IQGAP2: variants seen among roughly 807,000 people sequenced by gnomAD.
IQGAP2 encodes the protein IQ motif containing GTPase activating protein 2, also known as ras GTPase-activating-like protein IQGAP2.
Under a neutral mutation model 201.3 loss-of-function variants are expected in IQGAP2, and 173 were observed. The observed-to-expected ratio is 0.86, with a 90% CI of 0.76 to 0.98. The LOEUF (loss-of-function observed/expected upper bound fraction) is 0.98, where lower values mean the gene tolerates loss of function less well. Ranked by LOEUF, IQGAP2 falls within the 50% of genes least tolerant of loss-of-function variation. The probability of loss-of-function intolerance (pLI) is 0.00; values close to 1 mark genes in which losing one functional copy is unlikely to be tolerated. For missense variants in IQGAP2, 1,687 were observed against 1,864.8 expected (o/e 0.90, Z 1.76); for synonymous variants, 675 against 673.9 (o/e 1.00, Z -0.03).
intron 1 of IQGAP2, among the ~76,000 whole-genome samples, chr5:76,451,516 A>G (rs1753745342): frequency 6.6e-6 from 1 of 152,160 alleles, no homozygotes; most frequent in Non-Finnish European, 1.5e-5. Flanking sequence ...ATATCATGGC[A>G]TTAGTCATCT....
chr5:76,562,007 G>A (rs1033836965), intron 2 of IQGAP2, among the ~76,000 whole-genome samples: 12 of 152,162 alleles, frequency 7.9e-5, no homozygotes, highest in Non-Finnish European at 1.5e-4. Context: ...GGCACAGACC[G>A]TATAAGAATT....
intron 2 of IQGAP2, among the ~76,000 whole-genome samples, chr5:76,472,186 C>G (rs72775777): frequency 0.5 from 76,296 of 151,624 alleles, 19,885 homozygotes; most frequent in Non-Finnish European, 0.54. Context: ...GCCAGCGAGG[C>G]TGAGATCAGG....
At chr5:76,696,921 G>A (rs1746803906) in intron 32 of IQGAP2, among the ~76,000 whole-genome samples, 1 of 152,160 alleles carries the variant, frequency 6.6e-6, no homozygotes, top group Non-Finnish European at 1.5e-5. Flanking sequence ...CTAAGGGCAT[G>A]GGGAAGTTGT....
intron 1 of IQGAP2, among the ~76,000 whole-genome samples, chr5:76,406,300 C>T (rs1349348438): frequency 6.6e-6 from 1 of 152,202 alleles, no homozygotes; most frequent in Non-Finnish European, 1.5e-5. Flanking sequence ...CACAGGAGCA[C>T]TGGATTGAAA....
At chr5:76,481,838 T>C (rs1029915171) in intron 2 of IQGAP2, among the ~76,000 whole-genome samples, 3 of 152,194 alleles carry the variant, frequency 2.0e-5, no homozygotes, top group Non-Finnish European at 4.4e-5. Flanking sequence ...AGCTGCCATG[T>C]TGGAGAGAAT....
At position 76,435,726 on chromosome 5, in the gene IQGAP2, T is replaced by C. The variant is rs142468050; in HGVS notation, c.47-25844T>C. On this transcript the variant is annotated intron_variant, in intron 1 of 35. Transcript: ENST00000274364. ...TTTTTTTCTAGTCATGTGAAAATGA[T>C]GTTGGTATTTTGAAAAGAATTGCAT... Among the ~76,000 whole-genome samples the C allele has an allele frequency of 1.2e-3, 182 of 152,306 alleles. 1 individual carries two copies. The highest frequency in any genetic ancestry group is 4.2e-3 in the African/African-American group (175 of 41,572).
At chr5:76,542,879 C>T (rs750074012) in intron 2 of IQGAP2, among the ~76,000 whole-genome samples, 33 of 152,106 alleles carry the variant, frequency 2.2e-4, no homozygotes, top group Non-Finnish European at 4.1e-4. Flanking sequence ...CCACTGTTTA[C>T]GTTATAGAGA....
chr5:76,551,627 C>G (rs1743535355), intron 2 of IQGAP2, among the ~76,000 whole-genome samples: 1 of 148,916 alleles, frequency 6.7e-6, no homozygotes, highest in Admixed American at 6.7e-5. Context: ...CCGAGGCAGG[C>G]AGATCACTCG....
At chr5:76,700,972 G>A (rs1747327210) in intron 33 of IQGAP2, 104 bp from the exon 34 acceptor site, 5 of 1,202,214 alleles carry the variant, frequency 4.2e-6, no homozygotes, top group Non-Finnish European at 5.9e-6. Flanking sequence ...GCGCTCTGAG[G>A]GCCAGGTATG....
At chr5:76,545,640 G>A (rs1429401726) in intron 2 of IQGAP2, among the ~76,000 whole-genome samples, 1 of 152,068 alleles carries the variant, frequency 6.6e-6, no homozygotes, top group Non-Finnish European at 1.5e-5. Flanking sequence ...TTTTTTACTA[G>A]GCTTTGAAAG....
chr5:76,587,121 G>C (rs999943919), intron 5 of IQGAP2, among the ~76,000 whole-genome samples: 1 of 152,166 alleles, frequency 6.6e-6, no homozygotes, highest in Non-Finnish European at 1.5e-5. Flanking sequence ...TTATAACACT[G>C]TTGACAGTAT....
At chr5:76,526,129 CA>C (rs1758959666) in intron 2 of IQGAP2, among the ~76,000 whole-genome samples, 1 of 152,156 alleles carries the variant, frequency 6.6e-6, no homozygotes, top group Non-Finnish European at 1.5e-5. Flanking sequence ...CTGGCTGTAC[CA>C]CCTTAGGCAA....
intron 2 of IQGAP2, chr5:76,510,738 A>C (rs1456663042): frequency 1.2e-5 from 6 of 507,866 alleles, no homozygotes; most frequent in Non-Finnish European, 2.4e-5. Context: ...CTAAGGGTGT[A>C]CCTGGGGGCA....
At chr5:76,513,697 A>G (rs1758128589) in intron 2 of IQGAP2, among the ~76,000 whole-genome samples, 1 of 152,322 alleles carries the variant, frequency 6.6e-6, no homozygotes, top group Non-Finnish European at 1.5e-5. Context: ...GTGGTTGCCA[A>G]GGGCTAAGGG....
At chr5:76,559,565 C>T (rs1203931137) in intron 2 of IQGAP2, among the ~76,000 whole-genome samples, 1 of 152,126 alleles carries the variant, frequency 6.6e-6, no homozygotes, top group Non-Finnish European at 1.5e-5. Context: ...CACTGTCTTC[C>T]CTGGGTTTTC....
chr5:76,579,939 T>C lies in IQGAP2; in HGVS notation c.458+4170T>C, dbSNP rs375657200. On this transcript the variant is annotated intron_variant, in intron 5 of 35. Coordinates refer to ENST00000274364, the MANE Select transcript of IQGAP2 (RefSeq NM_006633.5). The stretch of plus-strand genomic sequence containing the variant: ...TTAGTTTACTCAAAGTTCTTGGTCT[T>C]TATTCTTTCATGTAGTATAAATAGT... Among the ~76,000 whole-genome samples the C allele has an allele frequency of 2.5e-4, 38 of 152,298 alleles. 2 individuals carry two copies. The highest frequency in any genetic ancestry group is 1.5e-3 in the East Asian group (8 of 5,192).
intron 5 of IQGAP2, among the ~76,000 whole-genome samples, chr5:76,584,032 C>G (rs920777804): frequency 3.9e-5 from 6 of 151,934 alleles, no homozygotes; most frequent in Non-Finnish European, 7.4e-5. Flanking sequence ...GCCACCGTGC[C>G]CAGATAATTT....
intron 2 of IQGAP2, among the ~76,000 whole-genome samples, chr5:76,557,220 A>G (rs1744011476): frequency 1.3e-5 from 2 of 152,348 alleles, no homozygotes; most frequent in Admixed American, 1.3e-4. Context: ...GGCCCCTGTC[A>G]GCTTATTGAG....
At chr5:76,603,197 C>A (rs1037621578) in intron 11 of IQGAP2, among the ~76,000 whole-genome samples, 1 of 152,140 alleles carries the variant, frequency 6.6e-6, no homozygotes, top group African/African-American at 2.4e-5. Flanking sequence ...GTCCTCTCAC[C>A]ATCAGGAACT....
Sources: allele counts gnomAD v4.1 joint callset (sites outside exome capture counted in the v4.1 genomes callset), GRCh38; gene constraint gnomAD v4.1.1; transcripts MANE v1.5; gene names NCBI Gene and HGNC (gene_info 2026-07-23, HGNC 2026-07-21).